ADTRP: variants seen among roughly 807,000 people sequenced by gnomAD.
ADTRP encodes androgen dependent TFPI regulating protein.
In ADTRP, 20 loss-of-function variants were observed where a neutral mutation model predicts 27.0. That is an observed-to-expected ratio of 0.74 (90% CI 0.52 to 1.08). ADTRP has a LOEUF of 1.08. ADTRP is among the 50% of genes least tolerant of loss of function. ADTRP has a pLI of 0.00. For synonymous variants in ADTRP, 101 were observed against 105.2 expected, an observed-to-expected ratio of 0.96 and a Z score of 0.25; for missense variants, 251 against 275.0, an observed-to-expected ratio of 0.91 and a Z score of 0.62.
chr6:11,732,680 G>A lies in ADTRP; in HGVS notation c.506+2888C>T, dbSNP rs114234558. Among the ~76,000 whole-genome samples the A allele has an allele frequency of 4.8e-3, 730 of 152,316 alleles. 1 individual carries two copies. The highest frequency in any genetic ancestry group is 8.9e-3 in the Non-Finnish European group (607 of 68,024). Reference sequence around the variant, plus strand: ...ATACCAACTTAGCATTTTTCATGAAGGACGAAATCCCAAACCACCTCAGCT... The same window carrying A: ...ATACCAACTTAGCATTTTTCATGAAAGACGAAATCCCAAACCACCTCAGCT... On this transcript the variant is annotated intron_variant, in intron 4 of 5. Coordinates refer to ENST00000414691, the MANE Select transcript of ADTRP (RefSeq NM_032744.4).
chr6:11,714,507 T>G lies in ADTRP; in HGVS notation c.664A>C (p.Met222Leu), dbSNP rs1398907614. The part of the protein sequence containing the change: ...EKLNHWKWGD[M>L]RQPRKKRK ...TTCCTCTTCTTCCGTGGCTGCCTCA[T>G]GTCACCTGTACAAACAAGAACAGAG... is the stretch of plus-strand genomic sequence containing the variant. Residue 222 changes from methionine to leucine, a missense_variant, in exon 6 of 6, where the codon ATG (methionine) becomes CTG (leucine). Transcript: ENST00000414691. 6.2e-7 allele frequency: 1 copy of G among 1,613,806 alleles called. No individual in the cohort carries two copies. The highest frequency in any genetic ancestry group is 2.2e-5 in the East Asian group (1 of 44,884).
Position 11,714,505 on chromosome 6 carries a change from C to T in ADTRP, c.666G>A (p.Met222Ile). Residue 222 changes from methionine to isoleucine, a missense_variant, in exon 6 of 6, where the codon ATG becomes ATA. Met to Ile is a conservative substitution (Grantham distance 10). Coordinates refer to ENST00000414691, the MANE Select transcript of ADTRP (RefSeq NM_032744.4). ...EKLNHWKWGD[M>I]RQPRKKRK ...ACTTCCTCTTCTTCCGTGGCTGCCT[C>T]ATGTCACCTGTACAAACAAGAACAG... The T allele has an allele frequency of 6.2e-7, 1 of 1,613,764 alleles. No individual in the cohort carries two copies. Among genetic ancestry groups the T allele is most frequent in the Non-Finnish European group, 8.5e-7 (1 of 1,179,912 alleles).
chr6:11,758,748 A>T (rs1401458833), intron 3 of ADTRP, among the ~76,000 whole-genome samples: 1 of 151,990 alleles, frequency 6.6e-6, no homozygotes, highest in Non-Finnish European at 1.5e-5. Flanking sequence ...AAATAATAAT[A>T]AAGAAAGAAA....
chr6:11,731,972 G>C (rs1249830295), intron 4 of ADTRP, among the ~76,000 whole-genome samples: 1 of 151,976 alleles, frequency 6.6e-6, no homozygotes, highest in African/African-American at 2.4e-5. Context: ...CTATTTTTTT[G>C]CTCCTCACCA....
At chr6:11,714,600 G>A (rs1761753069) in intron 5 of ADTRP, 88 bp from the exon 6 acceptor site, 2 of 1,471,800 alleles carry the variant, frequency 1.4e-6, no homozygotes, top group East Asian at 2.3e-5. Flanking sequence ...ACTCTGACTT[G>A]GGGCAGTGGA....
At chr6:11,743,187 A>G (rs1475146457) in intron 3 of ADTRP, among the ~76,000 whole-genome samples, 3 of 152,058 alleles carry the variant, frequency 2.0e-5, no homozygotes, top group Non-Finnish European at 4.4e-5. Context: ...CACACTGTCA[A>G]TTTCATGTGT....
In ADTRP at chr6:11,724,032, C is replaced by T. The variant is rs193278919; in HGVS notation, c.507-532G>A. ...CCAAGATCACGCCACTGCACTCTAG[C>T]CTGGGCAACAAGAGTGAAACTTTGT... On this transcript the variant is annotated intron_variant, in intron 4 of 5. Coordinates refer to ENST00000414691, the MANE Select transcript of ADTRP (RefSeq NM_032744.4). 2.0e-4 allele frequency among the ~76,000 whole-genome samples: 31 copies of T among 152,202 alleles called. No homozygotes were observed. In the East Asian group the frequency reaches 5.8e-3, roughly 28 times the overall value.
At chr6:11,745,693 GT>G (rs112242580) in intron 3 of ADTRP, among the ~76,000 whole-genome samples, 11,301 of 152,196 alleles carry the variant, frequency 0.074, 815 homozygotes, top group African/African-American at 0.17. Context: ...ACTAAATTGT[GT>G]TTTGTTATTT....
intron 3 of ADTRP, among the ~76,000 whole-genome samples, chr6:11,749,842 G>A (rs907676454): frequency 6.6e-6 from 1 of 152,202 alleles, no homozygotes; most frequent in African/African-American, 2.4e-5. Context: ...GCACACTTGT[G>A]TGCTTGAGTG....
At chr6:11,735,764 A>G in intron 3 of ADTRP, 81 bp from the exon 4 acceptor site, 1 of 934,904 alleles carries the variant, frequency 1.1e-6, no homozygotes, top group Non-Finnish European at 1.7e-6. Flanking sequence ...TTCCCCTTCC[A>G]GTCTACCTCT....
intron 4 of ADTRP, 85 bp downstream of exon 4, chr6:11,735,483 T>C: frequency 1.1e-6 from 1 of 905,412 alleles, no homozygotes; most frequent in Non-Finnish European, 1.7e-6. Context: ...ATAAAGGGAT[T>C]CTGACAGAAC....
chr6:11,778,378 A>C, intron 1 of ADTRP, among the ~76,000 whole-genome samples: 1 of 152,058 alleles, frequency 6.6e-6, no homozygotes, highest in East Asian at 1.9e-4. Flanking sequence ...TTTTTTCAAG[A>C]GAGCATTTAA....
Position 11,739,441 on chromosome 6 carries a change from T to C in ADTRP, c.391-3758A>G, listed in dbSNP as rs548221782. Among the ~76,000 whole-genome samples the C allele has an allele frequency of 2.0e-5, 3 of 152,328 alleles. No individual in the cohort carries two copies. In the South Asian group the frequency reaches 6.2e-4, roughly 32 times the overall value. ...TCTTCTCCCATCCTTTTCTACTCAATTATACCTTCCCCCCACCATCCTCCA... is the reference window on the plus strand; with the variant it reads ...TCTTCTCCCATCCTTTTCTACTCAACTATACCTTCCCCCCACCATCCTCCA... On this transcript the variant is annotated intron_variant, in intron 3 of 5. Transcript: ENST00000414691.
intron 3 of ADTRP, among the ~76,000 whole-genome samples, chr6:11,758,310 G>A (rs959084788): frequency 2.0e-5 from 3 of 152,116 alleles, no homozygotes; most frequent in African/African-American, 4.8e-5. Flanking sequence ...AATATTGGTT[G>A]TTGGGTTAAT....
At chr6:11,722,375 GT>G (rs997469836) in intron 5 of ADTRP, among the ~76,000 whole-genome samples, 3 of 151,856 alleles carry the variant, frequency 2.0e-5, no homozygotes, top group Admixed American at 6.6e-5. Context: ...AAACTGTCAG[GT>G]TTTTTTTGCA....
chr6:11,761,028 A>G (rs11754465), intron 3 of ADTRP, among the ~76,000 whole-genome samples: 9,403 of 152,208 alleles, frequency 0.062, 370 homozygotes, highest in Middle Eastern at 0.12. Context: ...TCCCTCCTCA[A>G]TCTGAACCAG....
chr6:11,777,420 T>A (rs1763993098), intron 1 of ADTRP, among the ~76,000 whole-genome samples: 3 of 152,154 alleles, frequency 2.0e-5, no homozygotes, highest in African/African-American at 7.2e-5. Context: ...GGACTGTTTT[T>A]CATAGAAAGC....
intron 2 of ADTRP, chr6:11,767,511 C>T (rs1239658052): frequency 6.6e-6 from 1 of 152,248 alleles, no homozygotes; most frequent in Non-Finnish European, 1.5e-5. Flanking sequence ...GGAAGCAGGA[C>T]AATGACAGGT....
chr6:11,723,318 G>A lies in ADTRP; in HGVS notation c.658+31C>T, dbSNP rs761446684. On this transcript the variant is annotated intron_variant, in intron 5 of 5. Transcript: ENST00000414691. ...GGGGAGAGGCAGACACGGAAGAAGC[G>A]CATCTGTAGCTAAGAAAGAAATACA... 15 of 1,609,176 alleles carry A rather than the reference G, an allele frequency of 9.3e-6. No individual in the cohort carries two copies. The African/African-American group carries it at 9.4e-5, about 10-fold the overall frequency.
Sources: gnomAD v4.1 joint callset for allele counts (sites outside exome capture counted in the v4.1 genomes callset) on GRCh38, gnomAD v4.1.1 for gene constraint, MANE v1.5 for transcripts, NCBI Gene and HGNC (gene_info 2026-07-23, HGNC 2026-07-21) for gene names.